ZFHX3: variants seen among roughly 807,000 people sequenced by gnomAD.
ZFHX3 encodes zinc finger homeobox protein 3.
ZFHX3 carries 42 observed loss-of-function variants against 279.1 expected under a neutral mutation model. The ratio of observed to expected loss-of-function variants is 0.15; its 90% CI spans 0.12 to 0.19. ZFHX3 has a LOEUF of 0.19. Ranked by LOEUF, ZFHX3 falls within the 10% of genes least tolerant of loss-of-function variation. The probability of loss-of-function intolerance (pLI) is 1.00; values close to 1 mark genes in which losing one functional copy is unlikely to be tolerated. For synonymous variants in ZFHX3, 2,293 were observed against 1,957.8 expected, an observed-to-expected ratio of 1.17 and a Z score of -4.52; for missense variants, 4,981 against 4,754.0, an observed-to-expected ratio of 1.05 and a Z score of -1.40.
intron 3 of ZFHX3, chr16:73,388,956 G>A (rs915430799): frequency 3.3e-5 from 5 of 152,138 alleles, no homozygotes; most frequent in Non-Finnish European, 5.9e-5. Flanking sequence ...CTATGGCCAC[G>A]GCGTCTTAGA....
chr16:73,092,543 G>A, intron 8 of ZFHX3: 1 of 161,898 alleles, frequency 6.2e-6, no homozygotes, highest in Non-Finnish European at 1.4e-5. Context: ...AAGAGAAAAA[G>A]CAAGCTCTGT....
intron 2 of ZFHX3, among the ~76,000 whole-genome samples, chr16:73,651,884 T>C (rs1436745990): frequency 6.7e-6 from 1 of 149,192 alleles, no homozygotes; most frequent in African/African-American, 2.5e-5. Context: ...ACAAATTGAC[T>C]GGACATCTGA....
chr16:72,855,467 G>A (rs2037733022), intron 4 of ZFHX3, among the ~76,000 whole-genome samples: 1 of 152,232 alleles, frequency 6.6e-6, no homozygotes, highest in African/African-American at 2.4e-5. Flanking sequence ...GGAAAAGATG[G>A]CAGGCAGATG....
intron 2 of ZFHX3, among the ~76,000 whole-genome samples, chr16:73,568,653 G>A (rs959868114): frequency 5.3e-5 from 8 of 152,318 alleles, no homozygotes; most frequent in East Asian, 1.9e-4. Flanking sequence ...CACCGGGTAA[G>A]TCCAGGTGAG....
At chr16:73,115,237 T>C (rs1034506571) in intron 7 of ZFHX3, among the ~76,000 whole-genome samples, 6 of 151,998 alleles carry the variant, frequency 3.9e-5, no homozygotes, top group Non-Finnish European at 5.9e-5. Flanking sequence ...GGTCTACCAC[T>C]GCCCCAAGAT....
chr16:73,884,029 G>C (rs9925625), intron 1 of ZFHX3, among the ~76,000 whole-genome samples: 2,058 of 152,250 alleles, frequency 0.014, 48 homozygotes, highest in African/African-American at 0.047. Context: ...TGTCACAGCT[G>C]TCCCAATACG....
At chr16:73,792,156 G>A (rs777886866) in intron 1 of ZFHX3, among the ~76,000 whole-genome samples, 9 of 152,286 alleles carry the variant, frequency 5.9e-5, no homozygotes, top group Admixed American at 2.0e-4. Context: ...GAATCATGAT[G>A]CATTTAATAC....
chr16:73,480,455 C>T (rs2018845397), intron 2 of ZFHX3, among the ~76,000 whole-genome samples: 1 of 152,204 alleles, frequency 6.6e-6, no homozygotes, highest in African/African-American at 2.4e-5. Flanking sequence ...TTTTTAACTC[C>T]TCCTGCCACT....
intron 4 of ZFHX3, among the ~76,000 whole-genome samples, chr16:73,307,172 G>A (rs1027978303): frequency 6.6e-6 from 1 of 152,220 alleles, no homozygotes; most frequent in Non-Finnish European, 1.5e-5. Flanking sequence ...TGAGGAGATA[G>A]CAGCCCCTGT....
At chr16:73,454,561 C>T (rs1367230398) in intron 3 of ZFHX3, among the ~76,000 whole-genome samples, 1 of 124,476 alleles carries the variant, frequency 8.0e-6, no homozygotes, top group African/African-American at 3.0e-5. Context: ...CTCACTCTCA[C>T]AGCCAAATTT....
chr16:73,289,836 G>A (rs2014723501), intron 4 of ZFHX3, among the ~76,000 whole-genome samples: 1 of 152,140 alleles, frequency 6.6e-6, no homozygotes, highest in Non-Finnish European at 1.5e-5. Context: ...GTGAGAGAAA[G>A]GGGATCTGCA....
chr16:73,063,549 T>C (rs1012475693), upstream of ZFHX3, among the ~76,000 whole-genome samples: 8 of 152,024 alleles, frequency 5.3e-5, no homozygotes, highest in Non-Finnish European at 7.4e-5. Context: ...AACCACCAGA[T>C]CTCAAAAGTT....
rs184630859 is a variant in ZFHX3 at position 73,144,665 on chromosome 16, C to T, written c.-1103-834G>A. On this transcript the variant is annotated intron_variant, in intron 5 of 17. Coordinates refer to the ZFHX3 transcript ENST00000641206. ...ACGTATTCAGACCCCTGAAACCCAACGAATGCAGAAGACATTCCCTAACCT... is the reference window on the plus strand; with the variant it reads ...ACGTATTCAGACCCCTGAAACCCAATGAATGCAGAAGACATTCCCTAACCT... 3.7e-4 allele frequency among the ~76,000 whole-genome samples: 57 copies of T among 152,252 alleles called. 1 individual carries two copies. Among genetic ancestry groups the T allele is most frequent in the Admixed American group, 2.2e-3 (33 of 15,284 alleles).
chr16:72,850,834 C>T (rs151295258), intron 4 of ZFHX3, among the ~76,000 whole-genome samples: 2 of 152,166 alleles, frequency 1.3e-5, no homozygotes, highest in Non-Finnish European at 2.9e-5. Flanking sequence ...AGAAAAATCA[C>T]TACTCAATGA....
At chr16:73,082,597 A>G (rs1965961555) in intron 8 of ZFHX3, among the ~76,000 whole-genome samples, 1 of 151,868 alleles carries the variant, frequency 6.6e-6, no homozygotes, top group Non-Finnish European at 1.5e-5. Context: ...TTTTATTCCC[A>G]TTAACTTACT....
intron 1 of ZFHX3, among the ~76,000 whole-genome samples, chr16:73,866,565 T>C (rs989964478): frequency 1.3e-5 from 2 of 152,160 alleles, no homozygotes; most frequent in African/African-American, 4.8e-5. Context: ...CCTCAAATTA[T>C]TTTTGTCTTT....
chr16:72,795,790 T>G lies in ZFHX3; in HGVS notation c.6892A>C (p.Arg2298=). 6.2e-7 allele frequency: 1 copy of G among 1,614,220 alleles called. No homozygotes were observed. Among genetic ancestry groups the G allele is most frequent in the Non-Finnish European group, 8.5e-7 (1 of 1,180,042 alleles). Residue 2298 remains arginine, a synonymous_variant, in exon 9 of 10, where the codon AGG becomes CGG. Transcript: ENST00000268489. ...VWFQNARQKA[R]KNYENQGEGK... ...TCTCCCTGATTCTCATAATTCTTCC[T>G]GGCCTTCTGTCGGGCATTCTGAAAC... is the stretch of plus-strand genomic sequence containing the variant.
intron 7 of ZFHX3, among the ~76,000 whole-genome samples, chr16:73,104,107 G>A (rs1040213096): frequency 2.0e-5 from 3 of 151,876 alleles, no homozygotes; most frequent in African/African-American, 4.8e-5. Context: ...CATCCAGACT[G>A]TTATGGGAGG....
chr16:73,737,803 T>C (rs2053621928), intron 1 of ZFHX3, among the ~76,000 whole-genome samples: 1 of 152,222 alleles, frequency 6.6e-6, no homozygotes, highest in African/African-American at 2.4e-5. Flanking sequence ...GTGGTTTTGT[T>C]CTTTGGCTGC....
Sources: allele counts gnomAD v4.1 joint callset (sites outside exome capture counted in the v4.1 genomes callset), GRCh38; gene constraint gnomAD v4.1.1; transcripts MANE v1.5; gene names NCBI Gene and HGNC (gene_info 2026-07-23, HGNC 2026-07-21).